The following CREB5 variants were observed in gnomAD, a reference collection of about 807,000 sequenced individuals.
CREB5 encodes the protein cyclic AMP-responsive element-binding protein 5.
A neutral mutation model predicts 57.1 loss-of-function variants in CREB5; 19 were observed. The observed-to-expected ratio is 0.33, with a 90% CI of 0.23 to 0.49. The LOEUF (loss-of-function observed/expected upper bound fraction) is 0.49, where lower values mean the gene tolerates loss of function less well. CREB5 is among the 20% of genes least tolerant of loss of function. The pLI is 0.99. For missense variants in CREB5, 579 were observed against 671.6 expected (o/e 0.86, Z 1.52); for synonymous variants, 238 against 238.3 (o/e 1.00, Z 0.01).
At position 28,516,228 on chromosome 7, in the gene CREB5, T is replaced by C. The variant is rs558750119; in HGVS notation, c.291+8491T>C. On this transcript the variant is annotated intron_variant, in intron 4 of 10. Transcript: ENST00000357727. ...CCTTGTATTTTTTTTAAAAAAAAAG[T>C]AAAGAAAACAATTGTTCTTGAAGCT... 3.6e-4 allele frequency among the ~76,000 whole-genome samples: 55 copies of C among 151,920 alleles called. 1 individual carries two copies. Among genetic ancestry groups the C allele is most frequent in the Non-Finnish European group, 6.8e-4 (46 of 67,982 alleles).
intron 5 of CREB5, among the ~76,000 whole-genome samples, chr7:28,677,196 A>G (rs766213713): frequency 2.0e-5 from 3 of 152,200 alleles, no homozygotes; most frequent in Non-Finnish European, 4.4e-5. Context: ...TTACGTTATC[A>G]ACTTAATTAA....
chr7:28,709,895 A>C (rs1280616045), intron 5 of CREB5, among the ~76,000 whole-genome samples: 1 of 152,212 alleles, frequency 6.6e-6, no homozygotes, highest in Non-Finnish European at 1.5e-5. Context: ...TGAGATGTTT[A>C]GTTGACCACA....
At chr7:28,438,621 T>C (rs1355000077) in intron 1 of CREB5, among the ~76,000 whole-genome samples, 2 of 152,214 alleles carry the variant, frequency 1.3e-5, no homozygotes, top group Non-Finnish European at 2.9e-5. Context: ...GTTGCCATTT[T>C]ACTTGACATG....
At chr7:28,716,583 C>T (rs145683428) in intron 5 of CREB5, among the ~76,000 whole-genome samples, 117 of 152,172 alleles carry the variant, frequency 7.7e-4, no homozygotes, top group African/African-American at 2.7e-3. Flanking sequence ...GTAGGGAGTT[C>T]GGATTATTTA....
chr7:28,713,220 TA>T (rs1424651105), intron 5 of CREB5, among the ~76,000 whole-genome samples: 1 of 152,106 alleles, frequency 6.6e-6, no homozygotes, highest in Non-Finnish European at 1.5e-5. Context: ...TATTTTTTTT[TA>T]ATAGAGATGG....
chr7:28,513,961 A>G (rs1372328919), intron 4 of CREB5: 1 of 152,218 alleles, frequency 6.6e-6, no homozygotes, highest in Non-Finnish European at 1.5e-5. Context: ...AAGTAGCAAT[A>G]TACATAGTCT....
chr7:28,574,903 C>T (rs1703330045), intron 5 of CREB5, among the ~76,000 whole-genome samples: 1 of 152,148 alleles, frequency 6.6e-6, no homozygotes, highest in African/African-American at 2.4e-5. Flanking sequence ...GTAACTTAGG[C>T]ATTTGGTTAT....
At chr7:28,568,629 G>A (rs1795574573) in intron 4 of CREB5, among the ~76,000 whole-genome samples, 1 of 152,120 alleles carries the variant, frequency 6.6e-6, no homozygotes. Flanking sequence ...AAATTTTCCA[G>A]TGTATAAGAG....
chr7:28,818,026 A>G, intron 9 of CREB5, 45 bp from the exon 10 acceptor site: 13 of 1,492,414 alleles, frequency 8.7e-6, no homozygotes, highest in Non-Finnish European at 1.2e-5. Context: ...GTGGGTTTGT[A>G]TCCTCTGGTC....
At chr7:28,524,350 C>CAT (rs1793337477) in intron 4 of CREB5, among the ~76,000 whole-genome samples, 1 of 144,936 alleles carries the variant, frequency 6.9e-6, no homozygotes, top group Non-Finnish European at 1.5e-5. Flanking sequence ...CACACACACA[C>CAT]ACACACACAC....
At position 28,763,846 on chromosome 7, in the gene CREB5, G is replaced by A. The variant is rs190509149; in HGVS notation, c.702+39514G>A. On this transcript the variant is annotated intron_variant, in intron 7 of 10. Transcript: ENST00000357727. Reference sequence around the variant, plus strand: ...AGACAGGGTCTTGCTCTGTCACCAAGGCTGGAGTACATGGCATGATCATAC... The same window carrying A: ...AGACAGGGTCTTGCTCTGTCACCAAAGCTGGAGTACATGGCATGATCATAC... 1.3e-3 allele frequency among the ~76,000 whole-genome samples: 200 copies of A among 151,426 alleles called. 1 individual carries two copies. The highest frequency in any genetic ancestry group is 0.01 in the Middle Eastern group (3 of 294).
Position 28,612,543 on chromosome 7 carries a change from G to GGTGTGTGTGTGTGTGT in CREB5, c.464+42037_464+42052dup, listed in dbSNP as rs59074697. Reference sequence around the variant, plus strand: ...TGTATTCCTGGCCATTTAGAGAAGGGGTGTGTGTGTGTGTGTGTGTGTGTG... The same window carrying GGTGTGTGTGTGTGTGT: ...TGTATTCCTGGCCATTTAGAGAAGGGGTGTGTGTGTGTGTGTGTGTGTGTGTGTGTGTGTGTGTGTG... On this transcript the variant is annotated intron_variant, in intron 5 of 10. Coordinates refer to ENST00000357727, the MANE Select transcript of CREB5 (RefSeq NM_182898.4). Among the ~76,000 whole-genome samples the GGTGTGTGTGTGTGTGT allele has an allele frequency of 3.6e-5, 5 of 137,376 alleles. No homozygotes were observed. In the East Asian group the frequency reaches 6.6e-4, roughly 18 times the overall value. 90.1% of individuals were successfully genotyped at this position (137,376 alleles called of 152,430 possible).
At chr7:28,619,585 C>A (rs1370644611) in intron 5 of CREB5, among the ~76,000 whole-genome samples, 1 of 152,172 alleles carries the variant, frequency 6.6e-6, no homozygotes, top group African/African-American at 2.4e-5. Context: ...GCCTGTATTC[C>A]CAGCTACTTC....
At chr7:28,419,787 A>G (rs1056177540) in intron 1 of CREB5, among the ~76,000 whole-genome samples, 2 of 152,198 alleles carry the variant, frequency 1.3e-5, no homozygotes, top group African/African-American at 4.8e-5. Context: ...ATATTGTGAG[A>G]TTAAAAAAAT....
chr7:28,622,938 A>G (rs1797860469), intron 5 of CREB5, among the ~76,000 whole-genome samples: 1 of 152,186 alleles, frequency 6.6e-6, no homozygotes, highest in Non-Finnish European at 1.5e-5. Context: ...CTTGGAGTGC[A>G]CTGGTGCAAT....
intron 1 of CREB5, among the ~76,000 whole-genome samples, chr7:28,451,219 C>T (rs1307365877): frequency 2.0e-5 from 3 of 152,038 alleles, no homozygotes; most frequent in Non-Finnish European, 4.4e-5. Context: ...GGAAGAACTC[C>T]CCCTTAATTT....
At chr7:28,600,102 C>T (rs1040386669) in intron 5 of CREB5, among the ~76,000 whole-genome samples, 1 of 152,056 alleles carries the variant, frequency 6.6e-6, no homozygotes, top group Non-Finnish European at 1.5e-5. Flanking sequence ...TTCTTCCCAC[C>T]TTCAATTCAG....
At chr7:28,685,299 C>A (rs1164384039) in intron 5 of CREB5, among the ~76,000 whole-genome samples, 2 of 152,140 alleles carry the variant, frequency 1.3e-5, no homozygotes, top group East Asian at 1.9e-4. Flanking sequence ...TCCTTTAGCA[C>A]CTGACAGGGT....
At chr7:28,417,334 A>G (rs1788068074) in intron 1 of CREB5, among the ~76,000 whole-genome samples, 1 of 150,860 alleles carries the variant, frequency 6.6e-6, no homozygotes, top group Non-Finnish European at 1.5e-5. Flanking sequence ...GTACTACTTT[A>G]CATTCTCTCT....
Sources: gnomAD v4.1 joint callset for allele counts (sites outside exome capture counted in the v4.1 genomes callset) on GRCh38, gnomAD v4.1.1 for gene constraint, MANE v1.5 for transcripts, NCBI Gene and HGNC (gene_info 2026-07-23, HGNC 2026-07-21) for gene names.